THRB: variants seen among roughly 807,000 people sequenced by gnomAD.
THRB encodes the protein thyroid hormone receptor beta, also known as nuclear receptor subfamily 1 group A member 2.
Under a neutral mutation model 47.8 loss-of-function variants are expected in THRB, and 12 were observed. That is an observed-to-expected ratio of 0.25 (90% CI 0.16 to 0.41). The LOEUF (loss-of-function observed/expected upper bound fraction) is 0.41. Among genes scored for constraint, THRB ranks in the 10% least tolerant of loss-of-function variants. The pLI, the probability that THRB is intolerant of heterozygous loss-of-function variation, is 1.00. For missense variants in THRB, 348 were observed against 589.2 expected, an observed-to-expected ratio of 0.59 and a Z score of 4.24; for synonymous variants, 218 against 212.2, an observed-to-expected ratio of 1.03 and a Z score of -0.24.
intron 1 of THRB, among the ~76,000 whole-genome samples, chr3:24,439,807 C>T (rs2071357147): frequency 6.6e-6 from 1 of 152,128 alleles, no homozygotes; most frequent in African/African-American, 2.4e-5. Flanking sequence ...GGTGAAAGAG[C>T]CACAGTTCAG....
At chr3:24,292,548 C>T (rs542487978) in intron 3 of THRB, among the ~76,000 whole-genome samples, 1 of 152,270 alleles carries the variant, frequency 6.6e-6, no homozygotes, top group Admixed American at 6.5e-5. Context: ...TGTGCATCAC[C>T]TTGTTTCAAG....
intron 4 of THRB, among the ~76,000 whole-genome samples, chr3:24,206,873 T>A (rs2045426119): frequency 6.6e-6 from 1 of 152,118 alleles, no homozygotes; most frequent in Non-Finnish European, 1.5e-5. Context: ...TAAAAACCTC[T>A]ACACAAATAA....
intron 1 of THRB, among the ~76,000 whole-genome samples, chr3:24,440,754 G>A (rs2071445593): frequency 2.6e-5 from 4 of 152,158 alleles, no homozygotes; most frequent in African/African-American, 2.4e-5. Context: ...AAGGGATGAT[G>A]ACTGAGCTCT....
chr3:24,347,469 T>C (rs1157835154), intron 1 of THRB, among the ~76,000 whole-genome samples: 1 of 151,620 alleles, frequency 6.6e-6, no homozygotes, highest in Non-Finnish European at 1.5e-5. Context: ...CAAAAACTGG[T>C]TCTTTGAAAA....
chr3:24,268,840 T>C (rs2052933906), intron 3 of THRB, among the ~76,000 whole-genome samples: 1 of 152,198 alleles, frequency 6.6e-6, no homozygotes, highest in African/African-American at 2.4e-5. Flanking sequence ...TACATTCTAT[T>C]ATATAAATAA....
At chr3:24,280,225 C>T (rs188594574) in intron 3 of THRB, among the ~76,000 whole-genome samples, 14 of 152,258 alleles carry the variant, frequency 9.2e-5, no homozygotes, top group South Asian at 2.1e-4. Context: ...TCTCCCAGCA[C>T]GCAGCTGGAG....
chr3:24,335,492 C>T (rs978319568), intron 2 of THRB, among the ~76,000 whole-genome samples: 4 of 152,080 alleles, frequency 2.6e-5, no homozygotes, highest in African/African-American at 7.2e-5. Context: ...CACTAAATGC[C>T]GAATTTATGT....
At chr3:24,444,733 G>A (rs2125447344) in intron 1 of THRB, among the ~76,000 whole-genome samples, 1 of 152,146 alleles carries the variant, frequency 6.6e-6, no homozygotes, top group South Asian at 2.1e-4. Context: ...ATACAGGCGT[G>A]TGCCACCATG....
intron 1 of THRB, among the ~76,000 whole-genome samples, chr3:24,396,897 T>C (rs2067005980): frequency 6.6e-6 from 1 of 152,146 alleles, no homozygotes; most frequent in South Asian, 2.1e-4. Flanking sequence ...CTTTCCTGGC[T>C]ATCAATACCA....
intron 1 of THRB, among the ~76,000 whole-genome samples, chr3:24,427,200 A>G (rs1479412383): frequency 6.6e-6 from 1 of 152,006 alleles, no homozygotes; most frequent in Non-Finnish European, 1.5e-5. Context: ...TGTGCCATAC[A>G]TGGAAAATGA....
At chr3:24,149,349 A>G (rs1479799410) in intron 6 of THRB, among the ~76,000 whole-genome samples, 1 of 152,114 alleles carries the variant, frequency 6.6e-6, no homozygotes, top group African/African-American at 2.4e-5. Context: ...GTCTATCTGA[A>G]GTTGGGGAGA....
intron 1 of THRB, among the ~76,000 whole-genome samples, chr3:24,371,813 C>G (rs2064939237): frequency 6.6e-6 from 1 of 152,116 alleles, no homozygotes; most frequent in East Asian, 1.9e-4. Flanking sequence ...TCTATAGTTC[C>G]ATTTTAAAGA....
In THRB at chr3:24,406,314, CTA is replaced by C. The variant is rs368853020; in HGVS notation, c.-260-68945_-260-68944del. 4.1e-3 allele frequency among the ~76,000 whole-genome samples: 620 copies of C among 151,718 alleles called. 3 individuals are homozygous for C. The highest frequency in any genetic ancestry group is 0.014 in the African/African-American group (601 of 41,468). On this transcript the variant is annotated intron_variant, in intron 1 of 10. Coordinates refer to ENST00000646209, the MANE Select transcript of THRB (RefSeq NM_001354712.2). ...GAATCTTTTAAAACTAATTAACCTT[CTA>C]TGTTTGTTACATTAAGAGTTTTTAT...
chr3:24,359,057 C>T (rs73043744), intron 1 of THRB, among the ~76,000 whole-genome samples: 23,527 of 152,116 alleles, frequency 0.15, 2,302 homozygotes, highest in Middle Eastern at 0.22. Context: ...AACACCATGC[C>T]ACCCCAAAAT....
At chr3:24,244,679 C>T (rs1440106628) in intron 3 of THRB, among the ~76,000 whole-genome samples, 3 of 152,144 alleles carry the variant, frequency 2.0e-5, no homozygotes, top group Middle Eastern at 3.2e-3. Flanking sequence ...ACATCAGTAC[C>T]ATCTGCTGAT....
chr3:24,256,224 A>G (rs1409140480), intron 3 of THRB, among the ~76,000 whole-genome samples: 2 of 152,292 alleles, frequency 1.3e-5, no homozygotes, highest in East Asian at 3.9e-4. Context: ...GGTCTAGAAA[A>G]TGGTCACTGG....
chr3:24,379,665 T>A (rs982279067), intron 1 of THRB, among the ~76,000 whole-genome samples: 1 of 152,054 alleles, frequency 6.6e-6, no homozygotes, highest in Non-Finnish European at 1.5e-5. Flanking sequence ...CTCAGCCCCA[T>A]AGAGCTGAGC....
intron 1 of THRB, among the ~76,000 whole-genome samples, chr3:24,401,690 C>T (rs2067413195): frequency 6.6e-6 from 1 of 152,112 alleles, no homozygotes; most frequent in South Asian, 2.1e-4. Flanking sequence ...CCTTGTGTCC[C>T]AGGCTGGCTC....
intron 3 of THRB, among the ~76,000 whole-genome samples, chr3:24,288,792 G>A (rs1868575): frequency 0.48 from 72,535 of 152,078 alleles, 18,549 homozygotes; most frequent in African/African-American, 0.67. Context: ...AAAATGAAAT[G>A]AAGTAGACTG....
Sources: allele counts gnomAD v4.1 joint callset (sites outside exome capture counted in the v4.1 genomes callset), GRCh38; gene constraint gnomAD v4.1.1; transcripts MANE v1.5; gene names NCBI Gene and HGNC (gene_info 2026-07-23, HGNC 2026-07-21).